The following TRIM15 variants were observed in gnomAD, a reference collection of about 807,000 sequenced individuals.
The protein encoded by TRIM15 is tripartite motif containing 15.
Under a neutral mutation model 35.8 loss-of-function variants are expected in TRIM15, and 35 were observed. The ratio of observed to expected loss-of-function variants is 0.98; its 90% CI spans 0.75 to 1.30. TRIM15 has a LOEUF of 1.30. TRIM15 is among the 50% of genes most tolerant of loss of function. The pLI, the probability that TRIM15 is intolerant of heterozygous loss-of-function variation, is 0.00. For synonymous variants in TRIM15, 252 were observed against 249.8 expected (o/e 1.01, Z -0.08); for missense variants, 590 against 593.5 (o/e 0.99, Z 0.06).
rs1176051669 is a variant in TRIM15 at position 30,163,871 on chromosome 6, G to A, written c.187G>A (p.Glu63Lys). The A allele has an allele frequency of 5.0e-6, 8 of 1,612,922 alleles. No individual in the cohort carries two copies. Among genetic ancestry groups the A allele is most frequent in the Non-Finnish European group, 5.9e-6 (7 of 1,180,028 alleles). Residue 63 changes from glutamate to lysine, a missense_variant, in exon 1 of 7, where the codon GAG becomes AAG. Transcript: ENST00000376694. ...CCTGCTCTGCCCGCTCTGCCAAGAG[G>A]AGGAGCAGGCAGAGACTCCCATGGC... ...KILLCPLCQEEEQAETPMAPV... is the reference protein window; with the variant it reads ...KILLCPLCQEKEQAETPMAPV...
At position 30,172,258 on chromosome 6, in the gene TRIM15, C is replaced by T; in HGVS notation, c.1307C>T (p.Pro436Leu). The change falls in exon 7 of 7, where the codon CCC becomes CTC. Residue 436 changes from proline (P) to leucine (L), a missense_variant. Coordinates refer to ENST00000376694, the MANE Select transcript of TRIM15 (RefSeq NM_033229.3). Reference sequence around the variant, plus strand: ...CTCCACAACGCCCAGACCCAGGAGCCCATCTTCACCTTCACTGCCTCTTTC... The same window carrying T: ...CTCCACAACGCCCAGACCCAGGAGCTCATCTTCACCTTCACTGCCTCTTTC... ...VTLHNAQTQEPIFTFTASFSG... is the reference protein window; with the variant it reads ...VTLHNAQTQELIFTFTASFSG... 6.2e-7 allele frequency: 1 copy of T among 1,612,864 alleles called. No homozygotes were observed.
chr6:30,172,156 CG>C lies in TRIM15; in HGVS notation c.1208del (p.Gly403AlafsTer6), dbSNP rs918789279. The stretch of plus-strand genomic sequence containing the variant: ...CAGCAGTGCTGGGCCAGCACCTCCC[CG>C]GGCACCGACCTGCCGCTGAGCGAGA... Reference protein sequence around the residue: ...SHQQCWASTSPGTDLPLSEIP... With the variant: ...SHQQCWASTSXGTDLPLSEIP... On this transcript the variant is annotated frameshift_variant, in exon 7 of 7. Coordinates refer to ENST00000376694, the MANE Select transcript of TRIM15 (RefSeq NM_033229.3). LOFTEE classifies it low-confidence loss of function (END_TRUNC). 5 of 1,593,156 alleles carry C rather than the reference CG, an allele frequency of 3.1e-6. No individual in the cohort carries two copies. Among genetic ancestry groups the C allele is most frequent in the Non-Finnish European group, 4.3e-6 (5 of 1,170,572 alleles).
At position 30,172,475 on chromosome 6, in the gene TRIM15, T is replaced by C. The variant is rs1342367967; in HGVS notation, c.*126T>C. 3.9e-5 allele frequency: 53 copies of C among 1,371,220 alleles called. No individual in the cohort carries two copies. The highest frequency in any genetic ancestry group is 4.8e-5 in the Non-Finnish European group (48 of 1,005,394). The allele number at this position is 1,371,220 out of a possible 1,614,324, so 84.9% of individuals were successfully genotyped here. A position where few individuals can be genotyped will look rare whatever the true frequency, so the allele number is the denominator to read the frequency against. ...GAGGCGAGAGAACAGGGGACTTGAG[T>C]CTCGAACAGCGGTTGTTTTTACTTT... On this transcript the variant is annotated 3_prime_UTR_variant, in exon 7 of 7. Coordinates refer to ENST00000376694, the MANE Select transcript of TRIM15 (RefSeq NM_033229.3).
Position 30,172,361 on chromosome 6 carries a change from C to G in TRIM15, c.*12C>G. On this transcript the variant is annotated 3_prime_UTR_variant, in exon 7 of 7. Transcript: ENST00000376694. The stretch of plus-strand genomic sequence containing the variant: ...CGCTGAAAGGCTGAAGTGGGGCGCG[C>G]GAAGGGCGGCGAAGCGGAGACGGCG... The G allele has an allele frequency of 6.3e-7, 1 of 1,576,952 alleles. No individual in the cohort carries two copies. Among genetic ancestry groups the G allele is most frequent in the Non-Finnish European group, 8.6e-7 (1 of 1,162,100 alleles).
In TRIM15 at chr6:30,171,936, C is replaced by G. The variant is rs769433096; in HGVS notation, c.985C>G (p.Pro329Ala). Residue 329 changes from proline (P) to alanine (A), a missense_variant, in exon 7 of 7, where the codon CCC becomes GCC. Coordinates refer to ENST00000376694, the MANE Select transcript of TRIM15 (RefSeq NM_033229.3). ...GCAGAAGAAGAGCCTGCCAGACAGC[C>G]CCCTGCGCTTCGACGGCCTCCCGGC... ...TRQKKSLPDSPLRFDGLPAVL... is the reference protein window; with the variant it reads ...TRQKKSLPDSALRFDGLPAVL... The G allele has an allele frequency of 6.3e-7, 1 of 1,597,994 alleles. No individual in the cohort carries two copies. The highest frequency in any genetic ancestry group is 8.5e-7 in the Non-Finnish European group (1 of 1,172,492).
At position 30,172,189 on chromosome 6, in the gene TRIM15, G is replaced by T. The variant is rs769066003; in HGVS notation, c.1238G>T (p.Arg413Leu). Residue 413 changes from arginine (R) to leucine (L), a missense_variant, in exon 7 of 7, where the codon CGC (arginine) becomes CTC (leucine). By Grantham distance (102) the Arg-to-Leu change is moderately radical. Coordinates refer to ENST00000376694, the MANE Select transcript of TRIM15 (RefSeq NM_033229.3). ...GTDLPLSEIP[R>L]GVRVALDYEA... ...GACCTGCCGCTGAGCGAGATCCCGC[G>T]CGGCGTGAGAGTCGCCCTGGACTAC... 1.2e-6 allele frequency: 2 copies of T among 1,608,388 alleles called. No individual in the cohort carries two copies. Among genetic ancestry groups the T allele is most frequent in the East Asian group, 4.5e-5 (2 of 44,718 alleles).
At chr6:30,171,297 G>T (rs897200338) in intron 6 of TRIM15, among the ~76,000 whole-genome samples, 1 of 152,208 alleles carries the variant, frequency 6.6e-6, no homozygotes, top group African/African-American at 2.4e-5. Context: ...CATAGTAAGT[G>T]CTCAATTAAT....
rs529091189 is a variant in TRIM15, at chr6:30,168,746, C to T, written c.708+216C>T. ...GTCTTGGATTTGAATGTTGGCTCTT[C>T]CAATTGTGTGACTTGAGTGAGTCTC... On this transcript the variant is annotated intron_variant, in intron 3 of 6. Coordinates refer to ENST00000376694, the MANE Select transcript of TRIM15 (RefSeq NM_033229.3). Among the ~76,000 whole-genome samples the T allele has an allele frequency of 2.0e-5, 3 of 152,276 alleles. No homozygotes were observed. The East Asian group carries it at 5.8e-4, about 29-fold the overall frequency.
intron 5 of TRIM15, 85 bp from the exon 6 acceptor site, chr6:30,170,891 A>G (rs1369453254): frequency 6.1e-6 from 9 of 1,478,980 alleles, no homozygotes; most frequent in Non-Finnish European, 8.3e-6. Context: ...TCATCTTCAC[A>G]TTGTACTCAA....
chr6:30,170,834 G>A, intron 5 of TRIM15, 142 bp from the exon 6 acceptor site: 1 of 962,348 alleles, frequency 1.0e-6, no homozygotes, highest in East Asian at 2.4e-5. Context: ...GGAGGGTGAG[G>A]ACCCTTCTCC....
Position 30,169,966 on chromosome 6 carries a change from G to A in TRIM15, c.732-535G>A, listed in dbSNP as rs373607138. On this transcript the variant is annotated intron_variant, in intron 4 of 6. Coordinates refer to ENST00000376694, the MANE Select transcript of TRIM15 (RefSeq NM_033229.3). ...AGAGGTTTAGATCTAGAAGGGCTTG[G>A]AGGTCTTCCAGTCTGAGGAAGAAAC... 3.0e-4 allele frequency: 51 copies of A among 171,772 alleles called. 5 individuals are homozygous for A. Among genetic ancestry groups the A allele is most frequent in the East Asian group, 2.2e-3 (13 of 5,786 alleles). The allele number at this position is 171,772 out of a possible 1,614,324, so 10.6% of individuals were successfully genotyped here.
At position 30,168,498 on chromosome 6, in the gene TRIM15, A is replaced by G. The variant is rs1286653001; in HGVS notation, c.676A>G (p.Lys226Glu). ...LGAQVKELEE[K>E]CQQPASELLQ... ...AGCCCAGGTCAAGGAGCTGGAGGAGAAGTGTCAGCAGCCAGCAAGTGAGCT... is the reference window on the plus strand; with the variant it reads ...AGCCCAGGTCAAGGAGCTGGAGGAGGAGTGTCAGCAGCCAGCAAGTGAGCT... Residue 226 changes from lysine to glutamate, a missense_variant, in exon 3 of 7, where the codon AAG becomes GAG. Lys to Glu is a moderately conservative substitution (Grantham distance 56). Coordinates refer to ENST00000376694, the MANE Select transcript of TRIM15 (RefSeq NM_033229.3). 2.5e-6 allele frequency: 4 copies of G among 1,606,220 alleles called. No homozygotes were observed. In the South Asian group the frequency reaches 4.4e-5, roughly 18 times the overall value.
At chr6:30,168,200 G>A (rs9368624) in intron 2 of TRIM15, 100 bp from the exon 3 acceptor site, 196,380 of 1,030,620 alleles carry the variant, frequency 0.19, 21,469 homozygotes, top group South Asian at 0.36. Flanking sequence ...TGGACCAGTT[G>A]CTCCCTATCC....
chr6:30,169,462 T>C, intron 4 of TRIM15, 199 bp downstream of exon 4: 2 of 716,392 alleles, frequency 2.8e-6, no homozygotes, highest in Non-Finnish European at 5.0e-6. Context: ...AATTGATTGG[T>C]TGGTATTGGG....
At position 30,163,988 on chromosome 6, in the gene TRIM15, T is replaced by C. The variant is rs1773386844; in HGVS notation, c.304T>C (p.Cys102Arg). 2.5e-6 allele frequency: 4 copies of C among 1,613,010 alleles called. No homozygotes were observed. Among genetic ancestry groups the C allele is most frequent in the East Asian group, 4.5e-5 (2 of 44,898 alleles). Residue 102 changes from cysteine to arginine, a missense_variant, in exon 1 of 7, where the codon TGT (cysteine) becomes CGT (arginine). Transcript: ENST00000376694. The stretch of plus-strand genomic sequence containing the variant: ...CTGCGAGAACGATGCCGAGTTCCTC[T>C]GTGTGTTCTGCAGGGAGGGTCCCAC... ...FFCENDAEFL[C>R]VFCREGPTHQ...
At chr6:30,169,496 G>T (rs553164236) in intron 4 of TRIM15, 35 of 699,940 alleles carry the variant, frequency 5.0e-5, no homozygotes, top group South Asian at 4.1e-4. Flanking sequence ...CCCTAGAAGT[G>T]AAGTTATAAA....
In TRIM15 at chr6:30,163,904, C is replaced by A; in HGVS notation, c.220C>A (p.Pro74Thr). The change falls in exon 1 of 7, where the codon CCC (proline) becomes ACC (threonine). Residue 74 changes from proline to threonine, a missense_variant. Transcript: ENST00000376694. ...EQAETPMAPV[P>T]LGPLGETYCE... ...GGCAGAGACTCCCATGGCCCCTGTG[C>A]CCCTGGGCCCGCTGGGAGAAACTTA... 2 of 1,613,086 alleles carry A rather than the reference C, an allele frequency of 1.2e-6. No individual in the cohort carries two copies. The highest frequency in any genetic ancestry group is 1.7e-6 in the Non-Finnish European group (2 of 1,180,030).
intron 1 of TRIM15, 88 bp downstream of exon 1, chr6:30,164,153 A>G (rs908599130): frequency 2.6e-5 from 39 of 1,513,510 alleles, no homozygotes; most frequent in Non-Finnish European, 3.4e-5. Context: ...ATCTGGATGA[A>G]AGGCTTCCAC....
chr6:30,164,129 G>A, intron 1 of TRIM15, 64 bp downstream of exon 1: 1 of 1,541,712 alleles, frequency 6.5e-7, no homozygotes, highest in East Asian at 2.3e-5. Flanking sequence ...ATGAGGGGAG[G>A]AAATCGGGCG....
Sources: gnomAD v4.1 joint callset for allele counts (sites outside exome capture counted in the v4.1 genomes callset) on GRCh38, gnomAD v4.1.1 for gene constraint, MANE v1.5 for transcripts, NCBI Gene and HGNC (gene_info 2026-07-23, HGNC 2026-07-21) for gene names.